The following ACSBG1 variants were observed in gnomAD, a reference collection of about 807,000 sequenced individuals.
ACSBG1 encodes acyl-CoA synthetase bubblegum family member 1.
In ACSBG1, 39 loss-of-function variants were observed where a neutral mutation model predicts 80.2. The observed-to-expected ratio is 0.49, with a 90% CI of 0.38 to 0.64. The LOEUF is 0.64. ACSBG1 is among the 30% of genes least tolerant of loss of function. The probability of loss-of-function intolerance (pLI) is 0.00; values close to 1 mark genes in which losing one functional copy is unlikely to be tolerated. For missense variants in ACSBG1, 828 were observed against 966.4 expected (o/e 0.86, Z 1.90); for synonymous variants, 392 against 379.5 (o/e 1.03, Z -0.38).
chr15:78,186,349 A>G (rs1012348008), intron 5 of ACSBG1, among the ~76,000 whole-genome samples: 2 of 152,232 alleles, frequency 1.3e-5, no homozygotes, highest in East Asian at 3.9e-4. Context: ...AGAACTCTCC[A>G]CCCCAAATCA....
At chr15:78,185,809 G>A (rs28535318) in intron 5 of ACSBG1, among the ~76,000 whole-genome samples, 16 of 151,740 alleles carry the variant, frequency 1.1e-4, no homozygotes, top group South Asian at 2.1e-4. Flanking sequence ...TATCGTAGAC[G>A]TCTTGTTAGA....
intron 5 of ACSBG1, among the ~76,000 whole-genome samples, chr15:78,192,515 C>T (rs2075065267): frequency 6.6e-6 from 1 of 152,212 alleles, no homozygotes; most frequent in South Asian, 2.1e-4. Context: ...TATTTTCAAA[C>T]TCACTCTGAT....
chr15:78,190,448 G>A (rs2075046967), intron 5 of ACSBG1, among the ~76,000 whole-genome samples: 1 of 148,204 alleles, frequency 6.7e-6, no homozygotes, highest in Non-Finnish European at 1.5e-5. Context: ...TCACATGCCT[G>A]TAGTCCCAGC....
chr15:78,225,432 T>A (rs935565221), intron 1 of ACSBG1, among the ~76,000 whole-genome samples: 23 of 145,526 alleles, frequency 1.6e-4, no homozygotes, highest in Non-Finnish European at 2.9e-4. Flanking sequence ...AATAAATAAA[T>A]AAAAATAAAT....
intron 4 of ACSBG1, 113 bp downstream of exon 4, chr15:78,193,819 G>T: frequency 6.9e-7 from 1 of 1,456,828 alleles, no homozygotes; most frequent in Non-Finnish European, 9.4e-7. Flanking sequence ...CCCCAGGGAG[G>T]AGGCAGGATG....
chr15:78,221,619 A>G (rs2075360347), intron 1 of ACSBG1, among the ~76,000 whole-genome samples: 4 of 152,098 alleles, frequency 2.6e-5, no homozygotes, highest in Admixed American at 2.0e-4. Context: ...CAGACCCCTT[A>G]CAGGTGTCGG....
At chr15:78,197,908 C>T (rs530074412) in intron 2 of ACSBG1, among the ~76,000 whole-genome samples, 22 of 152,152 alleles carry the variant, frequency 1.4e-4, no homozygotes, top group Middle Eastern at 3.4e-3. Flanking sequence ...GACTTTCTCC[C>T]GTGGGCACAT....
At position 78,182,715 on chromosome 15, in the gene ACSBG1, T is replaced by C. The variant is rs149408872; in HGVS notation, c.734A>G (p.Asn245Ser). 1.5e-5 allele frequency: 24 copies of C among 1,614,112 alleles called. No individual in the cohort carries two copies. The African/African-American group carries it at 2.1e-4, about 14-fold the overall frequency. The change falls in exon 6 of 14, where the codon AAT becomes AGT. Residue 245 changes from asparagine to serine, a missense_variant. Asn to Ser is a conservative substitution (Grantham distance 46, BLOSUM62 1). Around this residue, in one of 3 missense-constraint regions of ACSBG1, gnomAD observed 356 missense variants for 363.5 expected, o/e 0.98. Transcript: ENST00000258873. The stretch of plus-strand genomic sequence containing the variant: ...CCCCACTGCCCATACCGTGTACACA[T>C]TGGCCATCTTGTTTGGAGGAGGTTC... The part of the protein sequence containing the change: ...YKEPPPNKMA[N>S]VYTMEEFMEL...
Position 78,173,678 on chromosome 15 carries a change from G to A in ACSBG1, c.2004C>T (p.Val668=), listed in dbSNP as rs1159602567. The A allele has an allele frequency of 6.2e-6, 10 of 1,614,182 alleles. No individual in the cohort carries two copies. Among genetic ancestry groups the A allele is most frequent in the Non-Finnish European group, 8.5e-6 (10 of 1,180,036 alleles). ...AGGGCCGGGCCGCCGCGTTCATGTT[G>A]ACCCTCCGGATCCCCTCTTCGATGG... ...YQAIEEGIRR[V]NMNAAARPYH... Residue 668 remains valine, a synonymous_variant, in exon 13 of 14, where the codon GTC becomes GTT. Coordinates refer to ENST00000258873, the MANE Select transcript of ACSBG1 (RefSeq NM_015162.5).
chr15:78,228,991 T>C (rs1022389), intron 1 of ACSBG1, among the ~76,000 whole-genome samples: 26,529 of 152,224 alleles, frequency 0.17, 2,798 homozygotes, highest in Non-Finnish European at 0.24. Flanking sequence ...AAAATGTTTG[T>C]ATTGTGGTAA....
At chr15:78,195,326 A>G (rs1437174143) in intron 2 of ACSBG1, among the ~76,000 whole-genome samples, 1 of 152,174 alleles carries the variant, frequency 6.6e-6, no homozygotes, top group Non-Finnish European at 1.5e-5. Flanking sequence ...CACTGCACAG[A>G]CGGGGCAGCT....
At position 78,172,620 on chromosome 15, in the gene ACSBG1, G is replaced by A. The variant is rs180877376; in HGVS notation, c.2089+973C>T. Among the ~76,000 whole-genome samples the A allele has an allele frequency of 2.6e-4, 40 of 152,262 alleles. No individual in the cohort carries two copies. The East Asian group carries it at 7.3e-3, about 28-fold the overall frequency. ...ACATCTTCTGTCTCTCTGACCTTGC[G>A]TTCAATATGCTGGCAGCAGACAGCC... On this transcript the variant is annotated intron_variant, in intron 13 of 13. Transcript: ENST00000258873. The surrounding 1 kb of genome is among the most constrained non-coding windows in gnomAD (Gnocchi z 4.1).
chr15:78,198,623 C>T (rs995636539), intron 2 of ACSBG1, among the ~76,000 whole-genome samples: 2 of 152,218 alleles, frequency 1.3e-5, no homozygotes, highest in South Asian at 2.1e-4. Flanking sequence ...GCTGGGATTA[C>T]AGGCATGAGC....
chr15:78,205,703 C>A lies in ACSBG1; in HGVS notation c.232+2299G>T, dbSNP rs540192145. On this transcript the variant is annotated intron_variant, in intron 2 of 13. Coordinates refer to ENST00000258873, the MANE Select transcript of ACSBG1 (RefSeq NM_015162.5). ...AGCACAGGGCTTGATTCTTCTTATTCAGGGCACAACTGTGTGAGGAAGGAG... is the reference window on the plus strand; with the variant it reads ...AGCACAGGGCTTGATTCTTCTTATTAAGGGCACAACTGTGTGAGGAAGGAG... Among the ~76,000 whole-genome samples the A allele has an allele frequency of 2.0e-5, 3 of 152,310 alleles. No individual in the cohort carries two copies. In the East Asian group the frequency reaches 5.8e-4, roughly 29 times the overall value.
rs561307379 is a variant in ACSBG1 at position 78,212,895 on chromosome 15, G to A, written c.132-4793C>T. 2.2e-4 allele frequency among the ~76,000 whole-genome samples: 34 copies of A among 152,310 alleles called. No homozygotes were observed. The South Asian group carries it at 6.2e-3, about 28-fold the overall frequency. On this transcript the variant is annotated intron_variant, in intron 1 of 13. Coordinates refer to ENST00000258873, the MANE Select transcript of ACSBG1 (RefSeq NM_015162.5). ...AGAATCAATGGAGAATGCCTCGCAG[G>A]AGGTGGCTGCCTTGGGGCTGTGGTC...
chr15:78,182,834 C>T, intron 5 of ACSBG1, 49 bp from the exon 6 acceptor site: 3 of 1,602,638 alleles, frequency 1.9e-6, no homozygotes, highest in East Asian at 4.5e-5. Flanking sequence ...GAAATGTCAC[C>T]TTCTAAAAAG....
At chr15:78,179,947 C>T (rs766774768) in intron 9 of ACSBG1, among the ~76,000 whole-genome samples, 167 bp from the exon 10 acceptor site, 4 of 152,066 alleles carry the variant, frequency 2.6e-5, no homozygotes, top group East Asian at 1.9e-4. Flanking sequence ...TGAACCTGCC[C>T]GTGAACATGC....
intron 2 of ACSBG1, among the ~76,000 whole-genome samples, chr15:78,207,328 C>T (rs1595895795): frequency 6.6e-6 from 1 of 152,194 alleles, no homozygotes; most frequent in Non-Finnish European, 1.5e-5. Flanking sequence ...CCTGGGAGAG[C>T]GGCAGCTGGT....
intron 2 of ACSBG1, among the ~76,000 whole-genome samples, chr15:78,196,271 T>C (rs1182435678): frequency 6.6e-6 from 1 of 152,208 alleles, no homozygotes; most frequent in East Asian, 1.9e-4. Flanking sequence ...CCTTGCCCCA[T>C]ATCCCGGGAT....
Sources: allele counts gnomAD v4.1 joint callset (sites outside exome capture counted in the v4.1 genomes callset), GRCh38; gene constraint gnomAD v4.1.1; regional missense constraint gnomAD v4.1.1; non-coding constraint Gnocchi (gnomAD v3.1); transcripts MANE v1.5; gene names NCBI Gene and HGNC (gene_info 2026-07-23, HGNC 2026-07-21).